Variants in DIP2C observed in about 807,000 individuals in gnomAD.
The protein encoded by DIP2C is disco-interacting protein 2 homolog C.
DIP2C carries 33 observed loss-of-function variants against 192.4 expected under a neutral mutation model. That is an observed-to-expected ratio of 0.17 (90% CI 0.13 to 0.23). DIP2C has a LOEUF of 0.23. Ranked by LOEUF, DIP2C falls within the 10% of genes least tolerant of loss-of-function variation. DIP2C has a pLI of 1.00. For synonymous variants in DIP2C, 979 were observed against 864.1 expected (o/e 1.13, Z -2.33); for missense variants, 1,537 against 2,110.1 (o/e 0.73, Z 5.32).
intron 1 of DIP2C, among the ~76,000 whole-genome samples, chr10:588,651 A>C (rs1851229085): frequency 6.6e-6 from 1 of 152,218 alleles, no homozygotes; most frequent in Non-Finnish European, 1.5e-5. Context: ...CTCCAGGGCC[A>C]AGAGGGGCTG....
chr10:378,724 AAC>A lies in DIP2C; in HGVS notation c.1991+3921_1991+3922del, dbSNP rs1564636187. Among the ~76,000 whole-genome samples the A allele has an allele frequency of 3.3e-5, 5 of 151,810 alleles. No homozygotes were observed. In the South Asian group the frequency reaches 8.3e-4, roughly 25 times the overall value. On this transcript the variant is annotated intron_variant, in intron 17 of 36. Transcript: ENST00000280886. Reference sequence around the variant, plus strand: ...ATGAACAGATATGCACAGACACGTGAACAGACATGCATAAAGACACATGTGAA... The same window carrying A: ...ATGAACAGATATGCACAGACACGTGAAGACATGCATAAAGACACATGTGAA...
chr10:557,121 G>GT (rs1564197088), intron 1 of DIP2C, among the ~76,000 whole-genome samples: 1 of 152,198 alleles, frequency 6.6e-6, no homozygotes, highest in Non-Finnish European at 1.5e-5. Flanking sequence ...GACACTGGGC[G>GT]TAAGACCAGC....
At chr10:621,957 A>G (rs1008953331) in intron 1 of DIP2C, among the ~76,000 whole-genome samples, 40 of 151,920 alleles carry the variant, frequency 2.6e-4, no homozygotes, top group Non-Finnish European at 4.7e-4. Context: ...TTCAAACACC[A>G]TAGCCTGTTT....
At chr10:405,026 A>G (rs532047096) in intron 9 of DIP2C, among the ~76,000 whole-genome samples, 1 of 152,242 alleles carries the variant, frequency 6.6e-6, no homozygotes, top group Non-Finnish European at 1.5e-5. Context: ...AAACACCAGG[A>G]AACGTTAGAA....
At chr10:334,304 CAAAA>C (rs35031456) in intron 29 of DIP2C, among the ~76,000 whole-genome samples, 81 of 82,408 alleles carry the variant, frequency 9.8e-4, no homozygotes, top group African/African-American at 2.1e-3. Flanking sequence ...AAGACTGTCT[CAAAA>C]AAAAAAAAAA....
intron 1 of DIP2C, among the ~76,000 whole-genome samples, chr10:564,887 C>T (rs1311805096): frequency 2.0e-5 from 3 of 152,216 alleles, no homozygotes; most frequent in Non-Finnish European, 4.4e-5. Flanking sequence ...GACTCACACA[C>T]ACAGTAGAAA....
intron 6 of DIP2C, among the ~76,000 whole-genome samples, chr10:417,404 A>C (rs1965715183): frequency 6.7e-6 from 1 of 149,494 alleles, no homozygotes; most frequent in Admixed American, 6.7e-5. Context: ...AAATGACAAG[A>C]ATAACAAAAA....
chr10:538,481 A>AAAC (rs1159843940), intron 1 of DIP2C, among the ~76,000 whole-genome samples: 1 of 152,180 alleles, frequency 6.6e-6, no homozygotes, highest in Non-Finnish European at 1.5e-5. Context: ...TTTTCATCAT[A>AAAC]AACAGGTGCC....
At chr10:517,203 C>T (rs1480838301) in intron 1 of DIP2C, among the ~76,000 whole-genome samples, 8 of 152,154 alleles carry the variant, frequency 5.3e-5, no homozygotes, top group African/African-American at 1.9e-4. Flanking sequence ...TTCCCTTCTC[C>T]ATTTCTCCAC....
At chr10:618,286 G>C (rs1325061566) in intron 1 of DIP2C, among the ~76,000 whole-genome samples, 2 of 152,178 alleles carry the variant, frequency 1.3e-5, no homozygotes, top group East Asian at 3.9e-4. Context: ...TCTGGCATTA[G>C]ATGACCAAAG....
chr10:419,295 G>A (rs768772856), intron 5 of DIP2C, 96 bp from the exon 6 acceptor site: 6 of 1,559,828 alleles, frequency 3.8e-6, no homozygotes, highest in Non-Finnish European at 5.2e-6. Flanking sequence ...AAGCACAGGT[G>A]CTCACCCTGG....
Position 414,044 on chromosome 10 carries a change from T to G in DIP2C, c.926A>C (p.Gln309Pro). ...GAQMLAMRGE[Q>P]LGVVTNWPPS... ...CGGCCAGTTCGTGACCACGCCCAGC[T>G]GCTCTCCGCGCATGGCCAGCATCTG... The change falls in exon 8 of 37, where the codon CAG (glutamine) becomes CCG (proline). Residue 309 changes from glutamine (Q) to proline (P), a missense_variant. This residue lies in a region of DIP2C where 473 missense variants were observed against 539.6 expected (regional missense o/e 0.88). Coordinates refer to ENST00000280886, the MANE Select transcript of DIP2C (RefSeq NM_014974.3). The G allele has an allele frequency of 6.2e-7, 1 of 1,614,100 alleles. No individual in the cohort carries two copies. Among genetic ancestry groups the G allele is most frequent in the Non-Finnish European group, 8.5e-7 (1 of 1,179,960 alleles).
In DIP2C at chr10:421,902, C is replaced by A. The variant is rs532700620; in HGVS notation, c.604+922G>T. ...CGACGCTTTAAGTCTCAGTGAGCGACCAAGGGGCTGAGACCCAAGTCAATC... is the reference window on the plus strand; with the variant it reads ...CGACGCTTTAAGTCTCAGTGAGCGAACAAGGGGCTGAGACCCAAGTCAATC... On this transcript the variant is annotated intron_variant, in intron 5 of 36. Coordinates refer to ENST00000280886, the MANE Select transcript of DIP2C (RefSeq NM_014974.3). Among the ~76,000 whole-genome samples the A allele has an allele frequency of 1.2e-4, 19 of 152,306 alleles. No individual in the cohort carries two copies. In the South Asian group the frequency reaches 3.9e-3, roughly 32 times the overall value.
intron 32 of DIP2C, among the ~76,000 whole-genome samples, chr10:290,463 A>T (rs552858741): frequency 6.6e-6 from 1 of 152,362 alleles, no homozygotes; most frequent in East Asian, 1.9e-4. Context: ...ACCACGGAGA[A>T]GCTCACAGCC....
intron 1 of DIP2C, among the ~76,000 whole-genome samples, chr10:593,662 C>CG (rs915084865): frequency 1.3e-5 from 2 of 152,062 alleles, no homozygotes; most frequent in Non-Finnish European, 2.9e-5. Context: ...ATGTCACGGG[C>CG]GGGGTCCCCA....
In DIP2C at chr10:587,164, C is replaced by G. The variant is rs538999947; in HGVS notation, c.86-100634G>C. ...TAAGGCCGGACCACCCGGGTCCCTG[C>G]TGACAGTGTGGCGAGGGGCAAACAG... is the stretch of plus-strand genomic sequence containing the variant. On this transcript the variant is annotated intron_variant, in intron 1 of 36. Coordinates refer to ENST00000280886, the MANE Select transcript of DIP2C (RefSeq NM_014974.3). Among the ~76,000 whole-genome samples the G allele has an allele frequency of 2.3e-3, 347 of 150,976 alleles. 1 individual carries two copies. The highest frequency in any genetic ancestry group is 0.01 in the Middle Eastern group (3 of 294).
intron 8 of DIP2C, among the ~76,000 whole-genome samples, chr10:410,488 T>A (rs1319777315): frequency 2.0e-5 from 3 of 152,222 alleles, no homozygotes; most frequent in African/African-American, 7.2e-5. Context: ...TTTATTTTCC[T>A]GGAAAAGATC....
rs550274522 is a variant in DIP2C at position 284,430 on chromosome 10, G to A, written c.4120-984C>T. Among the ~76,000 whole-genome samples the A allele has an allele frequency of 3.3e-5, 5 of 152,314 alleles. No homozygotes were observed. The South Asian group carries it at 1.0e-3, about 32-fold the overall frequency. The stretch of plus-strand genomic sequence containing the variant: ...ATATTACTCAGCCATAAAAAAGGAG[G>A]AAATGCTGCCATTTGCAACAGCATG... On this transcript the variant is annotated intron_variant, in intron 34 of 36. Coordinates refer to ENST00000280886, the MANE Select transcript of DIP2C (RefSeq NM_014974.3).
intron 29 of DIP2C, among the ~76,000 whole-genome samples, chr10:331,767 C>T (rs7071457): frequency 0.98 from 149,777 of 152,292 alleles, 73,705 homozygotes; most frequent in Middle Eastern, 1. Context: ...AGTGACCTTT[C>T]CAAGGGTTTA....
Sources: allele counts gnomAD v4.1 joint callset (sites outside exome capture counted in the v4.1 genomes callset), GRCh38; gene constraint gnomAD v4.1.1; regional missense constraint gnomAD v4.1.1; transcripts MANE v1.5; gene names NCBI Gene and HGNC (gene_info 2026-07-23, HGNC 2026-07-21).